Variants in TAF8 observed in about 807,000 individuals in gnomAD.
The protein encoded by TAF8 is transcription initiation factor TFIID subunit 8.
In TAF8, 47 loss-of-function variants were observed where a neutral mutation model predicts 36.5. That is an observed-to-expected ratio of 1.29 (90% CI 1.02 to 1.64). The LOEUF (loss-of-function observed/expected upper bound fraction) is 1.64, where lower values mean the gene tolerates loss of function less well. TAF8 is among the 40% of genes most tolerant of loss of function. The pLI, the probability that TAF8 is intolerant of heterozygous loss-of-function variation, is 0.00. For synonymous variants in TAF8, 175 were observed against 159.5 expected, an observed-to-expected ratio of 1.10 and a Z score of -0.73; for missense variants, 420 against 407.6, an observed-to-expected ratio of 1.03 and a Z score of -0.26.
chr6:42,086,323 T>C (rs2492936), downstream of TAF8, among the ~76,000 whole-genome samples: 5,136 of 152,302 alleles, frequency 0.034, 296 homozygotes, highest in African/African-American at 0.11. Context: ...TTTTTTGGAA[T>C]AGCCTTCGCT....
At chr6:42,053,328 C>T (rs139836143) in intron 2 of TAF8, among the ~76,000 whole-genome samples, 3,995 of 152,116 alleles carry the variant, frequency 0.026, 147 homozygotes, top group African/African-American at 0.084. Flanking sequence ...TTTGGGAGGC[C>T]GAGGCGGGTA....
In TAF8 at chr6:42,080,184, A is replaced by G. The variant is rs1290630032; in HGVS notation, c.*2639A>G. The stretch of plus-strand genomic sequence containing the variant: ...ACAGCCCCACATTCAAGCCGTGGCC[A>G]ATCCCAGCTGTTCTCACTGCTCTTG... On this transcript the variant is annotated 3_prime_UTR_variant, in exon 9 of 9. Transcript: ENST00000372977. 2 of 985,304 alleles carry G rather than the reference A, an allele frequency of 2.0e-6. No homozygotes were observed. Among genetic ancestry groups the G allele is most frequent in the East Asian group, 2.3e-4 (2 of 8,830 alleles). 61.0% of individuals were successfully genotyped at this position (985,304 alleles called of 1,614,324 possible).
intron 6 of TAF8, 129 bp downstream of exon 6, chr6:42,066,588 A>G: frequency 9.2e-7 from 1 of 1,085,556 alleles, no homozygotes; most frequent in African/African-American, 1.6e-5. Context: ...TGCCTCTCAG[A>G]TTTCTGGCTC....
At chr6:42,070,393 G>A (rs1333018310) in intron 7 of TAF8, among the ~76,000 whole-genome samples, 3 of 152,140 alleles carry the variant, frequency 2.0e-5, no homozygotes, top group African/African-American at 7.2e-5. Context: ...TTGGGAGCCC[G>A]GGGCAGGAGA....
intron 7 of TAF8, among the ~76,000 whole-genome samples, chr6:42,072,281 A>G (rs1330192614): frequency 1.3e-5 from 2 of 152,224 alleles, no homozygotes. Context: ...CAAAGATTCT[A>G]GTGACAATTT....
intron 2 of TAF8, 135 bp from the exon 3 acceptor site, chr6:42,055,396 A>G: frequency 1.5e-6 from 1 of 645,794 alleles, no homozygotes. Flanking sequence ...TTGGTGTACT[A>G]GTAGCTTTTC....
chr6:42,077,001 AT>A, intron 7 of TAF8, 98 bp from the exon 8 acceptor site: 1 of 1,424,664 alleles, frequency 7.0e-7, no homozygotes, highest in Non-Finnish European at 9.5e-7. Flanking sequence ...CCAGGTTCTA[AT>A]TTCTCAATTA....
intron 2 of TAF8, among the ~76,000 whole-genome samples, chr6:42,052,139 TGTAA>T (rs1227139992): frequency 6.6e-6 from 1 of 152,076 alleles, no homozygotes; most frequent in Non-Finnish European, 1.5e-5. Context: ...GATTTGTGAG[TGTAA>T]GTGAGATGTA....
chr6:42,066,784 T>G (rs1402982656), intron 6 of TAF8, among the ~76,000 whole-genome samples: 1 of 152,180 alleles, frequency 6.6e-6, no homozygotes, highest in East Asian at 1.9e-4. Flanking sequence ...TTGCCCATCG[T>G]GATGTTCCCT....
Position 42,079,666 on chromosome 6 carries a change from A to G in TAF8, c.*2121A>G. ...CAACCTCCACTCCCCGGGTTCAAGCAATTCTCAGAGTAGCTGGGATTACAG... is the reference window on the plus strand; with the variant it reads ...CAACCTCCACTCCCCGGGTTCAAGCGATTCTCAGAGTAGCTGGGATTACAG... On this transcript the variant is annotated 3_prime_UTR_variant, in exon 9 of 9. Transcript: ENST00000372977. 1.3e-6 allele frequency: 1 copy of G among 791,326 alleles called. No individual in the cohort carries two copies. Among genetic ancestry groups the G allele is most frequent in the Non-Finnish European group, 1.5e-6 (1 of 653,606 alleles). The allele number at this position is 791,326 out of a possible 1,614,324, so 49.0% of individuals were successfully genotyped here.
Position 42,051,303 on chromosome 6 carries a change from A to G in TAF8, c.46-54A>G. On this transcript the variant is annotated intron_variant, in intron 1 of 8. Transcript: ENST00000372977. ...TTTGCTTGCCGTTGACCACGTATGAACTATGTGATTGCATCCTTCTCCTGT... is the reference window on the plus strand; with the variant it reads ...TTTGCTTGCCGTTGACCACGTATGAGCTATGTGATTGCATCCTTCTCCTGT... 5 of 1,559,798 alleles carry G rather than the reference A, an allele frequency of 3.2e-6. No individual in the cohort carries two copies. In the East Asian group the frequency reaches 1.1e-4, roughly 35 times the overall value.
intron 5 of TAF8, among the ~76,000 whole-genome samples, chr6:42,058,277 A>G (rs1342878053): frequency 2.0e-5 from 3 of 152,190 alleles, no homozygotes; most frequent in Non-Finnish European, 2.9e-5. Context: ...CCAGCTACTC[A>G]GGAGGCTGAG....
rs1052234119 is a variant in TAF8, at chr6:42,050,596, G to A, written c.45+10G>A. Reference sequence around the variant, plus strand: ...CGGTGGCTCCGGAACGGTAAGGGCAGGAAGCGCGGGCTCGGAGCCGAGAGA... The same window carrying A: ...CGGTGGCTCCGGAACGGTAAGGGCAAGAAGCGCGGGCTCGGAGCCGAGAGA... On this transcript the variant is annotated intron_variant, in intron 1 of 8. Coordinates refer to ENST00000372977, the MANE Select transcript of TAF8 (RefSeq NM_138572.3). 1.3e-6 allele frequency: 2 copies of A among 1,549,008 alleles called. No homozygotes were observed. The highest frequency in any genetic ancestry group is 2.7e-5 in the African/African-American group (2 of 72,996).
At chr6:42,068,432 C>G in intron 6 of TAF8, 33 bp from the exon 7 acceptor site, 1 of 1,612,988 alleles carries the variant, frequency 6.2e-7, no homozygotes, top group South Asian at 1.1e-5. Context: ...GTCTCTGTGA[C>G]AGTGGACTCA....
At chr6:42,086,611 C>A, downstream of TAF8, 2 of 1,092,772 alleles carry the variant, frequency 1.8e-6, no homozygotes, top group Non-Finnish European at 2.7e-6. Flanking sequence ...CTCCCCTGAT[C>A]TGCGGCACCC....
At chr6:42,077,430 T>A (rs1457927776) in intron 8 of TAF8, 103 bp from the exon 9 acceptor site, 17 of 1,564,188 alleles carry the variant, frequency 1.1e-5, no homozygotes, top group Non-Finnish European at 1.4e-5. Context: ...TTGAGTGTCC[T>A]GCAGTCTAGG....
rs770802086 is a variant in TAF8, at chr6:42,066,474, ACT to A, written c.637+16_637+17del. ...CACATTTCCATGTGAGAGTTGCCCCACTGTGTGGACCCTGTCTTATTTGAAAC... is the reference window on the plus strand; with the variant it reads ...CACATTTCCATGTGAGAGTTGCCCCAGTGTGGACCCTGTCTTATTTGAAAC... On this transcript the variant is annotated intron_variant, in intron 6 of 8. Coordinates refer to ENST00000372977, the MANE Select transcript of TAF8 (RefSeq NM_138572.3). 5 of 1,613,528 alleles carry A rather than the reference ACT, an allele frequency of 3.1e-6. No homozygotes were observed. In the Admixed American group the frequency reaches 8.3e-5, roughly 27 times the overall value.
chr6:42,079,791 T>A lies in TAF8; in HGVS notation c.*2246T>A, dbSNP rs1199358310. On this transcript the variant is annotated 3_prime_UTR_variant, in exon 9 of 9. Transcript: ENST00000372977. ...CTGGTCTTGAACTCCTGGCCTCAAG[T>A]GATCCACCCGCCTTGGCCTTCCAAA... The A allele has an allele frequency of 1.1e-6, 1 of 937,380 alleles. No individual in the cohort carries two copies. Among genetic ancestry groups the A allele is most frequent in the Non-Finnish European group, 1.3e-6 (1 of 786,838 alleles). The allele number at this position is 937,380 out of a possible 1,614,324, so 58.1% of individuals were successfully genotyped here.
intron 7 of TAF8, among the ~76,000 whole-genome samples, chr6:42,074,531 CACTTT>C (rs1273551448): frequency 1.3e-5 from 2 of 152,014 alleles, no homozygotes; most frequent in African/African-American, 4.8e-5. Flanking sequence ...GTCAGTTTGA[CACTTT>C]ACTTTTTTGT....
Sources: allele counts gnomAD v4.1 joint callset (sites outside exome capture counted in the v4.1 genomes callset), GRCh38; gene constraint gnomAD v4.1.1; transcripts MANE v1.5; gene names NCBI Gene and HGNC (gene_info 2026-07-23, HGNC 2026-07-21).